The following ABCC2 variants were observed in gnomAD, a reference collection of about 807,000 sequenced individuals.
ABCC2 encodes ATP binding cassette subfamily C member 2.
In ABCC2, 157 loss-of-function variants were observed where a neutral mutation model predicts 173.4. That is an observed-to-expected ratio of 0.91 (90% CI 0.80 to 1.03). The LOEUF is 1.03. ABCC2 is among the 50% of genes least tolerant of loss of function. The pLI, the probability that ABCC2 is intolerant of heterozygous loss-of-function variation, is 0.00. For synonymous variants in ABCC2, 657 were observed against 693.5 expected (o/e 0.95, Z 0.83); for missense variants, 1,822 against 1,852.3 (o/e 0.98, Z 0.30).
chr10:99,832,868 C>T (rs764296485), intron 23 of ABCC2, among the ~76,000 whole-genome samples: 9 of 152,230 alleles, frequency 5.9e-5, no homozygotes, highest in Non-Finnish European at 1.0e-4. Context: ...GTACTAGACA[C>T]TGGGGCACTC....
intron 28 of ABCC2, among the ~76,000 whole-genome samples, chr10:99,844,772 G>C (rs375299133): frequency 1.7e-4 from 26 of 152,170 alleles, no homozygotes; most frequent in African/African-American, 6.3e-4. Context: ...AAGGAAACAA[G>C]GGGGCGGCCA....
chr10:99,850,059 A>C (rs2039067298), intron 30 of ABCC2, among the ~76,000 whole-genome samples: 1 of 152,254 alleles, frequency 6.6e-6, no homozygotes. Context: ...GCCTTGAACA[A>C]ATAATTAGCC....
chr10:99,805,261 G>A (rs2038080550), intron 10 of ABCC2, 121 bp from the exon 11 acceptor site: 3 of 789,534 alleles, frequency 3.8e-6, no homozygotes, highest in Non-Finnish European at 6.5e-6. Flanking sequence ...CCATCACTGG[G>A]CACCTCAAGT....
chr10:99,797,258 C>T lies in ABCC2; in HGVS notation c.794C>T (p.Ser265Phe), dbSNP rs771901947. The T allele has an allele frequency of 1.2e-6, 2 of 1,614,038 alleles. No homozygotes were observed. The highest frequency in any genetic ancestry group is 4.5e-5 in the East Asian group (2 of 44,870). ...RALQRRQEKS[S>F]QQNSGARLPG... Reference sequence around the variant, plus strand: ...CTCCAGAGACGGCAGGAGAAGAGCTCCCAGCAGAACTCTGGAGCCAGGCTG... The same window carrying T: ...CTCCAGAGACGGCAGGAGAAGAGCTTCCAGCAGAACTCTGGAGCCAGGCTG... The change falls in exon 7 of 32, where the codon TCC becomes TTC. Residue 265 changes from serine to phenylalanine, a missense_variant. Ser to Phe is a radical substitution (Grantham distance 155). Transcript: ENST00000647814.
chr10:99,814,175 ACATG>A lies in ABCC2; in HGVS notation c.2094+1032_2094+1035del, dbSNP rs2038281552. Among the ~76,000 whole-genome samples the A allele has an allele frequency of 2.8e-5, 3 of 105,364 alleles. 1 individual carries two copies. The highest frequency in any genetic ancestry group is 1.1e-4 in the African/African-American group (3 of 27,844). The allele number at this position is 105,364 out of a possible 152,430, so 69.1% of individuals were successfully genotyped here. A position where few individuals can be genotyped will look rare whatever the true frequency, so the allele number is the denominator to read the frequency against. On this transcript the variant is annotated intron_variant, in intron 16 of 31. Coordinates refer to ENST00000647814, the MANE Select transcript of ABCC2 (RefSeq NM_000392.5). ...TATGTATACACACGTATATATACACACATGTATGTATACACACATGTGTATATAT... is the reference window on the plus strand; with the variant it reads ...TATGTATACACACGTATATATACACATATGTATACACACATGTGTATATAT...
At position 99,805,431 on chromosome 10, in the gene ABCC2, T is replaced by C; in HGVS notation, c.1514T>C (p.Ile505Thr). Residue 505 changes from isoleucine (I) to threonine (T), a missense_variant, in exon 11 of 32, where the codon ATT becomes ACT. By Grantham distance (89) the Ile-to-Thr change is moderately conservative. Coordinates refer to ENST00000647814, the MANE Select transcript of ABCC2 (RefSeq NM_000392.5). ...KDKRLKIMNEILSGIKILKYF... is the reference protein window; with the variant it reads ...KDKRLKIMNETLSGIKILKYF... ...AAACGTTTAAAGATCATGAATGAGA[T>C]TCTTAGTGGAATCAAGGTGAGAATC... is the stretch of plus-strand genomic sequence containing the variant. 1 of 1,613,922 alleles carries C rather than the reference T, an allele frequency of 6.2e-7. No homozygotes were observed. Among genetic ancestry groups the C allele is most frequent in the Non-Finnish European group, 8.5e-7 (1 of 1,179,888 alleles).
intron 14 of ABCC2, among the ~76,000 whole-genome samples, chr10:99,810,805 A>T (rs1272605316): frequency 2.6e-5 from 4 of 152,144 alleles, no homozygotes; most frequent in Non-Finnish European, 5.9e-5. Flanking sequence ...TGGGTGGATC[A>T]CCTGAGGTCA....
At chr10:99,811,943 A>G (rs2038223525) in intron 15 of ABCC2, among the ~76,000 whole-genome samples, 1 of 152,224 alleles carries the variant, frequency 6.6e-6, no homozygotes, top group African/African-American at 2.4e-5. Context: ...AAACCCAAGA[A>G]CCTGAATTCA....
At chr10:99,851,016 T>C (rs1033147213) in intron 31 of ABCC2, among the ~76,000 whole-genome samples, 1 of 152,132 alleles carries the variant, frequency 6.6e-6, no homozygotes, top group Non-Finnish European at 1.5e-5. Context: ...GAGGGCAAAA[T>C]AGGAAACTGT....
At chr10:99,832,157 G>A in intron 23 of ABCC2, 26 bp downstream of exon 23, 1 of 1,614,028 alleles carries the variant, frequency 6.2e-7, no homozygotes, top group Non-Finnish European at 8.5e-7. Flanking sequence ...ACTGTCAGGT[G>A]GTGTGTTTAT....
At position 99,814,213 on chromosome 10, in the gene ABCC2, G is replaced by GTATACACACA. The variant is rs1564683727; in HGVS notation, c.2094+1070_2094+1071insATACACACAT. 2.4e-4 allele frequency among the ~76,000 whole-genome samples: 13 copies of GTATACACACA among 54,652 alleles called. 1 individual carries two copies. Among genetic ancestry groups the GTATACACACA allele is most frequent in the African/African-American group, 9.7e-4 (11 of 11,292 alleles). 35.9% of individuals were successfully genotyped at this position (54,652 alleles called of 152,430 possible). On this transcript the variant is annotated intron_variant, in intron 16 of 31. Coordinates refer to ENST00000647814, the MANE Select transcript of ABCC2 (RefSeq NM_000392.5). ...CACACATGTGTATATATACACACAT[G>GTATACACACA]TGTATATATACACACATGTGTATAT...
chr10:99,813,490 C>T lies in ABCC2; in HGVS notation c.2094+346C>T, dbSNP rs559651099. On this transcript the variant is annotated intron_variant, in intron 16 of 31. Transcript: ENST00000647814. ...CAGCACTTTGAGAGGCCGAGGCAGG[C>T]AGATCACCTGAGGTCAGGAGTTCGA... Among the ~76,000 whole-genome samples the T allele has an allele frequency of 4.4e-4, 67 of 152,226 alleles. No individual in the cohort carries two copies. The Middle Eastern group carries it at 0.024, about 54-fold the overall frequency.
rs538118825 is a variant in ABCC2 at position 99,848,718 on chromosome 10, C to T, written c.4313+1591C>T. Reference sequence around the variant, plus strand: ...TAACTAGGCTGCAAGCTAAAATCACCCAGGAAGCTTTAAAGCTCCCAACGC... The same window carrying T: ...TAACTAGGCTGCAAGCTAAAATCACTCAGGAAGCTTTAAAGCTCCCAACGC... On this transcript the variant is annotated intron_variant, in intron 30 of 31. Transcript: ENST00000647814. Among the ~76,000 whole-genome samples the T allele has an allele frequency of 2.6e-5, 4 of 152,228 alleles. No individual in the cohort carries two copies. The East Asian group carries it at 5.8e-4, about 22-fold the overall frequency.
intron 16 of ABCC2, among the ~76,000 whole-genome samples, chr10:99,817,037 C>T (rs925747359): frequency 2.0e-5 from 3 of 152,166 alleles, no homozygotes; most frequent in Admixed American, 2.0e-4. Flanking sequence ...CTAGAAGCAT[C>T]ACACACATTT....
At chr10:99,816,711 G>T (rs1189242550) in intron 16 of ABCC2, among the ~76,000 whole-genome samples, 1 of 152,208 alleles carries the variant, frequency 6.6e-6, no homozygotes, top group Non-Finnish European at 1.5e-5. Context: ...AAGGTGAGCG[G>T]CGAGCGAGCA....
chr10:99,830,164 T>C (rs2038712729), intron 19 of ABCC2, 143 bp from the exon 20 acceptor site: 2 of 876,382 alleles, frequency 2.3e-6, no homozygotes, highest in Admixed American at 1.9e-5. Context: ...GGAGTATTTA[T>C]GGAGTAAAGT....
At chr10:99,839,139 C>A (rs1590188409) in intron 25 of ABCC2, among the ~76,000 whole-genome samples, 1 of 120,442 alleles carries the variant, frequency 8.3e-6, no homozygotes, top group Non-Finnish European at 1.8e-5. Context: ...GGGCGGGGGG[C>A]CGACCCCCCC....
At chr10:99,787,458 T>C (rs796295607) in intron 2 of ABCC2, among the ~76,000 whole-genome samples, 1 of 148,240 alleles carries the variant, frequency 6.7e-6, no homozygotes, top group Non-Finnish European at 1.5e-5. Context: ...CCCCTTTTTT[T>C]GGGGGGACGG....
At chr10:99,814,369 A>G (rs1305934320) in intron 16 of ABCC2, among the ~76,000 whole-genome samples, 17 of 80,074 alleles carry the variant, frequency 2.1e-4, no homozygotes, top group African/African-American at 6.0e-4. Flanking sequence ...ACACACATGT[A>G]TATATACACA....
Sources: allele counts gnomAD v4.1 joint callset (sites outside exome capture counted in the v4.1 genomes callset), GRCh38; gene constraint gnomAD v4.1.1; transcripts MANE v1.5; gene names NCBI Gene and HGNC (gene_info 2026-07-23, HGNC 2026-07-21).